The following HSD17B2 variants were observed in gnomAD, a reference collection of about 807,000 sequenced individuals.
The protein encoded by HSD17B2 is hydroxysteroid 17-beta dehydrogenase 2.
HSD17B2 carries 32 observed loss-of-function variants against 26.9 expected under a neutral mutation model. The ratio of observed to expected loss-of-function variants is 1.19; its 90% CI spans 0.90 to 1.60. The LOEUF (loss-of-function observed/expected upper bound fraction) is 1.60, where lower values mean the gene tolerates loss of function less well. Ranked by LOEUF, HSD17B2 falls within the 40% of genes most tolerant of loss-of-function variation. HSD17B2 has a pLI of 0.00. For synonymous variants in HSD17B2, 246 were observed against 186.7 expected (o/e 1.32, Z -2.59); for missense variants, 613 against 468.6 (o/e 1.31, Z -2.85).
intron 1 of HSD17B2, among the ~76,000 whole-genome samples, chr16:82,041,472 T>C (rs1836891900): frequency 1.3e-5 from 2 of 152,222 alleles, no homozygotes; most frequent in Admixed American, 6.5e-5. Context: ...TGGCTTGCCC[T>C]GGACAAGGCT....
intron 1 of HSD17B2, among the ~76,000 whole-genome samples, chr16:82,061,454 C>T (rs565443900): frequency 6.6e-6 from 1 of 152,128 alleles, no homozygotes; most frequent in South Asian, 2.1e-4. Context: ...CAAAGTCACA[C>T]AGCTGTTAAG....
At chr16:82,062,465 G>A (rs956546700) in intron 1 of HSD17B2, among the ~76,000 whole-genome samples, 2 of 152,224 alleles carry the variant, frequency 1.3e-5, no homozygotes, top group East Asian at 1.9e-4. Flanking sequence ...CATCCAACAT[G>A]TGCTTTTTAT....
intron 1 of HSD17B2, among the ~76,000 whole-genome samples, chr16:82,066,890 G>T (rs994156549): frequency 1.3e-5 from 2 of 152,078 alleles, no homozygotes; most frequent in African/African-American, 4.8e-5. Flanking sequence ...CCTATTCATA[G>T]ACATTTAAGT....
At chr16:82,079,165 C>T (rs896533908) in intron 3 of HSD17B2, among the ~76,000 whole-genome samples, 1 of 151,922 alleles carries the variant, frequency 6.6e-6, no homozygotes, top group African/African-American at 2.4e-5. Flanking sequence ...AACTATGTTC[C>T]CACAAAATAT....
intron 3 of HSD17B2, among the ~76,000 whole-genome samples, chr16:82,075,582 G>A (rs1378825564): frequency 6.6e-6 from 1 of 152,110 alleles, no homozygotes; most frequent in African/African-American, 2.4e-5. Context: ...AGGCTACTAT[G>A]AGTAACTAAG....
In HSD17B2 at chr16:82,070,955, G is replaced by C. The variant is rs769608701; in HGVS notation, c.492G>C (p.Val164=). The change falls in exon 3 of 5, where the codon GTG becomes GTC. Residue 164 remains valine (V), a synonymous_variant. Coordinates refer to ENST00000199936, the MANE Select transcript of HSD17B2 (RefSeq NM_002153.3). The part of the protein sequence containing the change: ...AMLQDRGLWA[V]INNAGVLGFP... ...TTCTGTCTCCAGGACTGTGGGCTGT[G>C]ATCAACAATGCTGGGGTGCTTGGCT... The C allele has an allele frequency of 1.2e-6, 2 of 1,613,552 alleles. No homozygotes were observed. Among genetic ancestry groups the C allele is most frequent in the African/African-American group, 2.7e-5 (2 of 74,882 alleles).
At chr16:82,095,351 T>C (rs1904810110) in intron 4 of HSD17B2, 1 of 152,310 alleles carries the variant, frequency 6.6e-6, no homozygotes, top group African/African-American at 2.4e-5. Flanking sequence ...TAAGTATAAT[T>C]GGATTTCACT....
intron 1 of HSD17B2, among the ~76,000 whole-genome samples, chr16:82,067,042 T>C (rs187596229): frequency 3.3e-5 from 5 of 152,346 alleles, no homozygotes; most frequent in African/African-American, 1.2e-4. Context: ...CTGCACATGT[T>C]TATCAATAGT....
intron 1 of HSD17B2, among the ~76,000 whole-genome samples, chr16:82,045,609 T>G (rs1913902465): frequency 6.6e-6 from 1 of 152,196 alleles, no homozygotes; most frequent in Non-Finnish European, 1.5e-5. Context: ...TCTGGGCCAT[T>G]CATTAATGTG....
chr16:82,080,355 T>C (rs1904346141), intron 3 of HSD17B2, among the ~76,000 whole-genome samples: 1 of 152,178 alleles, frequency 6.6e-6, no homozygotes, highest in Admixed American at 6.5e-5. Context: ...TGGATGAATC[T>C]GATGCAATCA....
chr16:82,052,892 G>A (rs930355606), intron 1 of HSD17B2, among the ~76,000 whole-genome samples: 1 of 152,188 alleles, frequency 6.6e-6, no homozygotes, highest in African/African-American at 2.4e-5. Context: ...GCATGGTACT[G>A]GCATTGCTCT....
intron 1 of HSD17B2, among the ~76,000 whole-genome samples, chr16:82,038,924 C>T (rs1364804324): frequency 6.6e-6 from 1 of 152,094 alleles, no homozygotes; most frequent in Admixed American, 6.5e-5. Flanking sequence ...TGCCTTCACA[C>T]CAGTCAATCA....
At chr16:82,086,541 A>T (rs1209050032) in intron 3 of HSD17B2, among the ~76,000 whole-genome samples, 1 of 152,204 alleles carries the variant, frequency 6.6e-6, no homozygotes, top group East Asian at 1.9e-4. Flanking sequence ...AGGTAAGGGA[A>T]CACAGCCCAG....
At chr16:82,058,149 C>T (rs1271821143) in intron 1 of HSD17B2, among the ~76,000 whole-genome samples, 2 of 151,258 alleles carry the variant, frequency 1.3e-5, no homozygotes, top group Non-Finnish European at 2.9e-5. Flanking sequence ...ATGCTCACTG[C>T]AGCCTCAACC....
At chr16:82,072,628 T>A (rs901512957) in intron 3 of HSD17B2, among the ~76,000 whole-genome samples, 1 of 152,220 alleles carries the variant, frequency 6.6e-6, no homozygotes, top group Non-Finnish European at 1.5e-5. Flanking sequence ...ACTTTAGTTA[T>A]TGCCAAAATG....
chr16:82,057,978 TAGA>T (rs1322384394), intron 1 of HSD17B2, among the ~76,000 whole-genome samples: 2 of 151,872 alleles, frequency 1.3e-5, no homozygotes, highest in African/African-American at 4.8e-5. Flanking sequence ...GAATAAAGTA[TAGA>T]ATTTAGTTAA....
chr16:82,096,018 C>T (rs1029995541), intron 4 of HSD17B2: 1 of 151,910 alleles, frequency 6.6e-6, no homozygotes, highest in Non-Finnish European at 1.5e-5. Context: ...GGCAGAGCTG[C>T]TACATTTTAA....
chr16:82,061,681 T>C (rs191275926), intron 1 of HSD17B2, among the ~76,000 whole-genome samples: 4 of 152,300 alleles, frequency 2.6e-5, no homozygotes, highest in Admixed American at 2.0e-4. Flanking sequence ...AAGAACGATA[T>C]GTAGGAAAAA....
At chr16:82,048,705 G>A (rs1914011814) in intron 1 of HSD17B2, among the ~76,000 whole-genome samples, 1 of 152,172 alleles carries the variant, frequency 6.6e-6, no homozygotes, top group African/African-American at 2.4e-5. Context: ...CGCAGCTTTT[G>A]TTCTAGTTTG....
Sources: gnomAD v4.1 joint callset for allele counts (sites outside exome capture counted in the v4.1 genomes callset) on GRCh38, gnomAD v4.1.1 for gene constraint, MANE v1.5 for transcripts, NCBI Gene and HGNC (gene_info 2026-07-23, HGNC 2026-07-21) for gene names.